The following RAP1GAP2 variants were observed in gnomAD, a reference collection of about 807,000 sequenced individuals.
RAP1GAP2 encodes rap1 GTPase-activating protein 2.
Under a neutral mutation model 95.0 loss-of-function variants are expected in RAP1GAP2, and 27 were observed. The observed-to-expected ratio is 0.28, with a 90% CI of 0.21 to 0.39. The LOEUF (loss-of-function observed/expected upper bound fraction) is 0.39, where lower values mean the gene tolerates loss of function less well. Ranked by LOEUF, RAP1GAP2 falls within the 10% of genes least tolerant of loss-of-function variation. The pLI is 1.00. For missense variants in RAP1GAP2, 771 were observed against 970.0 expected (o/e 0.79, Z 2.72); for synonymous variants, 373 against 380.9 (o/e 0.98, Z 0.24).
intron 4 of RAP1GAP2, among the ~76,000 whole-genome samples, chr17:2,959,717 C>T (rs780614793): frequency 2.6e-5 from 4 of 152,246 alleles, no homozygotes; most frequent in Admixed American, 1.3e-4. Flanking sequence ...TGGATTCCTT[C>T]AGTCCTGGGT....
In RAP1GAP2 at chr17:2,998,262, C is replaced by T; in HGVS notation, c.1086C>T (p.Ile362=). Reference sequence around the variant, plus strand: ...ACATTGGAAATGACATCGTGGCCATCATCTTCCAAGAGGAAAACACGCCGT... The same window carrying T: ...ACATTGGAAATGACATCGTGGCCATTATCTTCCAAGAGGAAAACACGCCGT... The part of the protein sequence containing the change: ...KRHIGNDIVA[I]IFQEENTPFV... The change falls in exon 14 of 25, where the codon ATC becomes ATT. Residue 362 remains isoleucine (I), a synonymous_variant. Transcript: ENST00000254695. 1 of 1,614,026 alleles carries T rather than the reference C, an allele frequency of 6.2e-7. No individual in the cohort carries two copies. Among genetic ancestry groups the T allele is most frequent in the Non-Finnish European group, 8.5e-7 (1 of 1,179,858 alleles).
At chr17:2,766,183 C>T (rs2068272365) in intron 1 of RAP1GAP2, among the ~76,000 whole-genome samples, 1 of 152,166 alleles carries the variant, frequency 6.6e-6, no homozygotes, top group Non-Finnish European at 1.5e-5. Context: ...CACTGTGCGT[C>T]CTCTGCACCC....
At chr17:3,002,480 T>G (rs1414337738) in intron 14 of RAP1GAP2, among the ~76,000 whole-genome samples, 1 of 152,066 alleles carries the variant, frequency 6.6e-6, no homozygotes, top group African/African-American at 2.4e-5. Flanking sequence ...CCATCCACAC[T>G]CCCGGCAGCA....
At chr17:2,844,060 G>A (rs879632651) in intron 2 of RAP1GAP2, among the ~76,000 whole-genome samples, 14 of 151,650 alleles carry the variant, frequency 9.2e-5, no homozygotes, top group Admixed American at 3.3e-4. Flanking sequence ...TTGCTGTGTC[G>A]CCCAGGCTGG....
At chr17:2,928,351 C>G (rs189203979) in intron 3 of RAP1GAP2, among the ~76,000 whole-genome samples, 1 of 152,144 alleles carries the variant, frequency 6.6e-6, no homozygotes, top group Non-Finnish European at 1.5e-5. Flanking sequence ...TGCTTCTGTC[C>G]GGTTCTAATC....
chr17:2,869,300 G>A (rs926810112), intron 2 of RAP1GAP2, among the ~76,000 whole-genome samples: 15 of 152,126 alleles, frequency 9.9e-5, no homozygotes, highest in Non-Finnish European at 1.6e-4. Flanking sequence ...CCAGGTGTTG[G>A]AGGGAAAGAG....
Position 2,827,207 on chromosome 17 carries a change from T to C in RAP1GAP2, c.80+26657T>C, listed in dbSNP as rs1012018912. 1.3e-5 allele frequency among the ~76,000 whole-genome samples: 2 copies of C among 152,060 alleles called. No individual in the cohort carries two copies. The highest frequency in any genetic ancestry group is 2.9e-5 in the Non-Finnish European group (2 of 68,008). On this transcript the variant is annotated intron_variant, in intron 2 of 24. Coordinates refer to ENST00000254695, the MANE Select transcript of RAP1GAP2 (RefSeq NM_015085.5). This position sits in a 1 kb window ranked among gnomAD's most constrained non-coding sequence, Gnocchi z 4.1. ...GAGCTTGTGGATCGTCCCAGGGGTG[T>C]GTGTGGTTGGGCTCTTTAGCTCAGG...
intron 2 of RAP1GAP2, among the ~76,000 whole-genome samples, chr17:2,864,416 T>C (rs944648689): frequency 6.6e-6 from 1 of 152,256 alleles, no homozygotes; most frequent in African/African-American, 2.4e-5. Context: ...TGAATCTGTT[T>C]TTCAGTCTTG....
chr17:2,985,478 C>T (rs1487836668), intron 11 of RAP1GAP2, among the ~76,000 whole-genome samples: 3 of 152,186 alleles, frequency 2.0e-5, no homozygotes, highest in Non-Finnish European at 4.4e-5. Context: ...ATGGAGCCAG[C>T]TGGGTGCGTC....
chr17:2,990,777 T>A (rs75105201), intron 11 of RAP1GAP2, among the ~76,000 whole-genome samples: 16,610 of 151,990 alleles, frequency 0.11, 1,251 homozygotes, highest in Non-Finnish European at 0.17. Flanking sequence ...ATTGTGGCCA[T>A]CCTAGTGGGT....
chr17:2,829,772 T>C (rs937107039), intron 2 of RAP1GAP2, among the ~76,000 whole-genome samples: 2 of 151,822 alleles, frequency 1.3e-5, no homozygotes, highest in Non-Finnish European at 2.9e-5. Flanking sequence ...TTGGCTTTGG[T>C]CTGTGAGTAC....
At chr17:2,874,458 T>TA (rs1227167745) in intron 2 of RAP1GAP2, among the ~76,000 whole-genome samples, 1 of 152,072 alleles carries the variant, frequency 6.6e-6, no homozygotes, top group African/African-American at 2.4e-5. Context: ...TGGAAGCTTG[T>TA]AAAAGTCAGG....
chr17:2,791,443 C>G (rs1187276070), upstream of RAP1GAP2, among the ~76,000 whole-genome samples: 1 of 152,194 alleles, frequency 6.6e-6, no homozygotes, highest in Non-Finnish European at 1.5e-5. Context: ...TTATTCTCTC[C>G]CCAGTGATGA....
At chr17:2,864,219 C>T (rs2072531557) in intron 2 of RAP1GAP2, among the ~76,000 whole-genome samples, 2 of 152,154 alleles carry the variant, frequency 1.3e-5, no homozygotes, top group Non-Finnish European at 2.9e-5. Context: ...CTGCAGACTC[C>T]TCATATGGTT....
Position 2,995,576 on chromosome 17 carries a change from C to T in RAP1GAP2, c.1044+110C>T, listed in dbSNP as rs1020309200. The T allele has an allele frequency of 3.0e-5, 43 of 1,432,728 alleles. No individual in the cohort carries two copies. The Admixed American group carries it at 5.2e-4, about 17-fold the overall frequency. 88.8% of individuals were successfully genotyped at this position (1,432,728 alleles called of 1,614,324 possible). ...CCGTCCCCATATTCGTTCCCGTAGC[C>T]GGCCATTCGTTCAGCTGCGCAGCAG... is the stretch of plus-strand genomic sequence containing the variant. On this transcript the variant is annotated intron_variant, in intron 13 of 24. Coordinates refer to ENST00000254695, the MANE Select transcript of RAP1GAP2 (RefSeq NM_015085.5).
At chr17:2,770,653 T>C (rs1212878897) in intron 2 of RAP1GAP2, among the ~76,000 whole-genome samples, 1 of 152,270 alleles carries the variant, frequency 6.6e-6, no homozygotes, top group Non-Finnish European at 1.5e-5. Context: ...CTGCCTCTGC[T>C]TTCTCCTCTA....
rs1257631813 is a variant in RAP1GAP2, at chr17:3,037,030, AAGGGGAGGCC to A, written c.*3672_*3681del. On this transcript the variant is annotated 3_prime_UTR_variant, in exon 25 of 25. Transcript: ENST00000254695. ...GCCTCTAGCTACCCTGTATCGAGGC[AAGGGGAGGCC>A]AGTAAAGTTTGCCAAGCCTGATCCT... The A allele has an allele frequency of 6.6e-6, 1 of 152,604 alleles. No homozygotes were observed. The highest frequency in any genetic ancestry group is 6.6e-5 in the Admixed American group (1 of 15,260). The allele number at this position is 152,604 out of a possible 1,614,324, so 9.5% of individuals were successfully genotyped here. A position where few individuals can be genotyped will look rare whatever the true frequency, so the allele number is the denominator to read the frequency against.
chr17:2,918,813 T>C (rs182021617), intron 3 of RAP1GAP2, among the ~76,000 whole-genome samples: 1 of 152,260 alleles, frequency 6.6e-6, no homozygotes, highest in Admixed American at 6.5e-5. Flanking sequence ...ATCCAAACTA[T>C]TTCAAGGATA....
At chr17:3,031,035 C>G in intron 23 of RAP1GAP2, 37 bp downstream of exon 23, 1 of 1,536,112 alleles carries the variant, frequency 6.5e-7, no homozygotes, top group Non-Finnish European at 8.9e-7. Flanking sequence ...ACTCCACTTT[C>G]TGCAGAGGCC....
Sources: gnomAD v4.1 joint callset for allele counts (sites outside exome capture counted in the v4.1 genomes callset) on GRCh38, gnomAD v4.1.1 for gene constraint, Gnocchi (gnomAD v3.1) non-coding constraint, MANE v1.5 for transcripts, NCBI Gene and HGNC (gene_info 2026-07-23, HGNC 2026-07-21) for gene names.